HIF1A: variants seen among roughly 807,000 people sequenced by gnomAD.
HIF1A encodes hypoxia inducible factor 1 subunit alpha, also known as hypoxia-inducible factor 1-alpha.
HIF1A carries 24 observed loss-of-function variants against 92.7 expected under a neutral mutation model. The ratio of observed to expected loss-of-function variants is 0.26; its 90% CI spans 0.19 to 0.36. The LOEUF is 0.36. HIF1A is among the 10% of genes least tolerant of loss of function. The probability of loss-of-function intolerance (pLI) is 1.00; values close to 1 mark genes in which losing one functional copy is unlikely to be tolerated. For missense variants in HIF1A, 799 were observed against 998.5 expected (o/e 0.80, Z 2.69); for synonymous variants, 319 against 338.7 (o/e 0.94, Z 0.64).
chr14:61,713,503 G>C (rs2044329857), intron 1 of HIF1A, among the ~76,000 whole-genome samples: 1 of 152,180 alleles, frequency 6.6e-6, no homozygotes, highest in Non-Finnish European at 1.5e-5. Flanking sequence ...AGCTAGACAA[G>C]CATTTGGGAA....
At chr14:61,746,539 C>A (rs1350590944) in intron 14 of HIF1A, among the ~76,000 whole-genome samples, 1 of 151,710 alleles carries the variant, frequency 6.6e-6, no homozygotes, top group African/African-American at 2.4e-5. Context: ...GAGTAGCTCG[C>A]ACTACAGACA....
In HIF1A at chr14:61,739,196, C is replaced by T. The variant is rs1012216666; in HGVS notation, c.1536+823C>T. The stretch of plus-strand genomic sequence containing the variant: ...TTGGGTAAGTATAATATGAAAATAA[C>T]AAGTGTTACATAAAATAAATACTTA... On this transcript the variant is annotated intron_variant, in intron 10 of 14. Coordinates refer to ENST00000337138, the MANE Select transcript of HIF1A (RefSeq NM_001530.4). Among the ~76,000 whole-genome samples, 13 of 152,248 alleles carry T rather than the reference C, an allele frequency of 8.5e-5. No individual in the cohort carries two copies. The South Asian group carries it at 2.5e-3, about 29-fold the overall frequency.
intron 1 of HIF1A, among the ~76,000 whole-genome samples, chr14:61,719,638 A>G (rs1250958565): frequency 6.6e-6 from 1 of 152,196 alleles, no homozygotes. Flanking sequence ...CCTTCTTGGA[A>G]GAGTTCCCTG....
In HIF1A at chr14:61,721,814, C is replaced by A. The variant is rs773258236; in HGVS notation, c.448C>A (p.His150Asn). 6.2e-7 allele frequency: 1 copy of A among 1,608,336 alleles called. No individual in the cohort carries two copies. Among genetic ancestry groups the A allele is most frequent in the South Asian group, 1.1e-5 (1 of 90,964 alleles). The change falls in exon 4 of 15, where the codon CAC becomes AAC. Residue 150 changes from histidine to asparagine, a missense_variant. By Grantham distance (68) the His-to-Asn change is moderately conservative (BLOSUM62 1). Coordinates refer to ENST00000337138, the MANE Select transcript of HIF1A (RefSeq NM_001530.4). The part of the protein sequence containing the change: ...DHEEMREMLT[H>N]RNGLVKKGKE... ...TGAGGAAATGAGAGAAATGCTTACACACAGAAATGGTAAGAAAAGTCTGTT... is the reference window on the plus strand; with the variant it reads ...TGAGGAAATGAGAGAAATGCTTACAAACAGAAATGGTAAGAAAAGTCTGTT...
intron 1 of HIF1A, chr14:61,699,049 A>C (rs978245270): frequency 3.9e-5 from 6 of 152,252 alleles, no homozygotes; most frequent in Non-Finnish European, 7.3e-5. Flanking sequence ...TCAGTAAAGC[A>C]GCTACGTGGT....
intron 7 of HIF1A, among the ~76,000 whole-genome samples, chr14:61,733,073 TTTTTATTTTATTTTA>T (rs201955172): frequency 6.6e-6 from 1 of 152,116 alleles, no homozygotes; most frequent in African/African-American, 2.4e-5. Context: ...CTTTTGGTTA[TTTTTATTTTATTTTA>T]TTTTATTTTT....
At chr14:61,733,546 A>G (rs2044601392) in intron 7 of HIF1A, among the ~76,000 whole-genome samples, 1 of 152,150 alleles carries the variant, frequency 6.6e-6, no homozygotes, top group Non-Finnish European at 1.5e-5. Context: ...AGGATACCTG[A>G]ATATCACTGA....
At chr14:61,740,378 T>G (rs1307511744) in intron 10 of HIF1A, 127 bp from the exon 11 acceptor site, 2 of 713,088 alleles carry the variant, frequency 2.8e-6, no homozygotes, top group Non-Finnish European at 4.6e-6. Flanking sequence ...TTAAATAAAA[T>G]TTGATAAACA....
chr14:61,727,372 C>G (rs1372458071), intron 5 of HIF1A, 81 bp from the exon 6 acceptor site: 5 of 997,676 alleles, frequency 5.0e-6, no homozygotes, highest in East Asian at 2.4e-5. Context: ...CTGGCCATGT[C>G]AGACTCAACT....
At chr14:61,707,091 A>G (rs970078396) in intron 1 of HIF1A, among the ~76,000 whole-genome samples, 2 of 152,336 alleles carry the variant, frequency 1.3e-5, no homozygotes, top group African/African-American at 4.8e-5. Context: ...TATGTAACAA[A>G]CTAGTTTTGA....
chr14:61,736,832 TC>T, intron 8 of HIF1A, 56 bp from the exon 9 acceptor site: 1 of 1,193,842 alleles, frequency 8.4e-7, no homozygotes, highest in Non-Finnish European at 1.2e-6. Context: ...CAGTCTCCCT[TC>T]CCCTCACTGT....
In HIF1A at chr14:61,727,286, TATC is replaced by T. The variant is rs143173413; in HGVS notation, c.571-164_571-162del. On this transcript the variant is annotated intron_variant, in intron 5 of 14. Coordinates refer to ENST00000337138, the MANE Select transcript of HIF1A (RefSeq NM_001530.4). ...TGGGCAGGAAGTAGGTCATAGGTGG[TATC>T]ATAGGAAAAATGTTCATTGATTTTC... Among the ~76,000 whole-genome samples, 407 of 152,314 alleles carry T rather than the reference TATC, an allele frequency of 2.7e-3. 2 individuals are homozygous for T. The East Asian group carries it at 0.048, about 18-fold the overall frequency.
At chr14:61,710,187 A>T (rs2044290094) in intron 1 of HIF1A, among the ~76,000 whole-genome samples, 2 of 152,152 alleles carry the variant, frequency 1.3e-5, no homozygotes, top group African/African-American at 4.8e-5. Flanking sequence ...GCAAAGATTA[A>T]TTTTTGTAGA....
chr14:61,711,224 T>TA (rs2044303983), intron 1 of HIF1A, among the ~76,000 whole-genome samples: 1 of 146,758 alleles, frequency 6.8e-6, no homozygotes, highest in Non-Finnish European at 1.5e-5. Flanking sequence ...TTTTTTTTTT[T>TA]TTTTTTGAGA....
At chr14:61,716,841 T>C (rs1303104980) in intron 1 of HIF1A, 1 of 152,204 alleles carries the variant, frequency 6.6e-6, no homozygotes, top group Non-Finnish European at 1.5e-5. Flanking sequence ...ATGGTAAGCA[T>C]GTAAAAACTA....
In HIF1A at chr14:61,747,131, T is replaced by C; in HGVS notation, c.*46T>C. On this transcript the variant is annotated 3_prime_UTR_variant, in exon 15 of 15. Transcript: ENST00000337138. Reference sequence around the variant, plus strand: ...CTTTTTTTGGACACTGGTGGCTCATTACCTAAAGCAGTCTATTTATATTTT... The same window carrying C: ...CTTTTTTTGGACACTGGTGGCTCATCACCTAAAGCAGTCTATTTATATTTT... 6.7e-7 allele frequency: 1 copy of C among 1,488,700 alleles called. No homozygotes were observed. The highest frequency in any genetic ancestry group is 2.3e-5 in the East Asian group (1 of 43,824). 92.2% of individuals were successfully genotyped at this position (1,488,700 alleles called of 1,614,324 possible).
chr14:61,734,250 A>T lies in HIF1A; in HGVS notation c.993A>T (p.Gln331His). The T allele has an allele frequency of 1.2e-6, 2 of 1,613,086 alleles. No homozygotes were observed. Among genetic ancestry groups the T allele is most frequent in the Non-Finnish European group, 1.7e-6 (2 of 1,179,334 alleles). Residue 331 changes from glutamine (Q) to histidine (H), a missense_variant, in exon 8 of 15, where the codon CAA becomes CAT. Coordinates refer to ENST00000337138, the MANE Select transcript of HIF1A (RefSeq NM_001530.4). Reference protein sequence around the residue: ...ATVIYNTKNSQPQCIVCVNYV... With the variant: ...ATVIYNTKNSHPQCIVCVNYV... ...TCATATATAACACCAAGAATTCTCA[A>T]CCACAGTGCATTGTATGTGTGAATT...
chr14:61,701,203 AT>A (rs1411041924), intron 1 of HIF1A, among the ~76,000 whole-genome samples: 1 of 152,198 alleles, frequency 6.6e-6, no homozygotes, highest in East Asian at 1.9e-4. Flanking sequence ...CTCAACTGTT[AT>A]TTATGAGTGT....
intron 6 of HIF1A, among the ~76,000 whole-genome samples, chr14:61,730,705 T>A (rs2044566323): frequency 6.6e-6 from 1 of 152,190 alleles, no homozygotes; most frequent in Non-Finnish European, 1.5e-5. Flanking sequence ...TCACATTATT[T>A]CCTAAGTAGT....
Sources: allele counts gnomAD v4.1 joint callset (sites outside exome capture counted in the v4.1 genomes callset), GRCh38; gene constraint gnomAD v4.1.1; transcripts MANE v1.5; gene names NCBI Gene and HGNC (gene_info 2026-07-23, HGNC 2026-07-21).